Variants in CSF1R observed in about 807,000 individuals in gnomAD.
CSF1R encodes macrophage colony-stimulating factor 1 receptor.
In CSF1R, 40 loss-of-function variants were observed where a neutral mutation model predicts 110.0. The ratio of observed to expected loss-of-function variants is 0.36; its 90% confidence interval spans 0.28 to 0.47. CSF1R has a LOEUF of 0.47. Among genes scored for constraint, CSF1R ranks in the 20% least tolerant of loss-of-function variants. The pLI, the probability that CSF1R is intolerant of heterozygous loss-of-function variation, is 0.99. For synonymous variants in CSF1R, 523 were observed against 503.4 expected (o/e 1.04, Z -0.52); for missense variants, 1,052 against 1,253.0 (o/e 0.84, Z 2.42).
intron 1 of CSF1R, among the ~76,000 whole-genome samples, chr5:150,109,058 G>GCCGCCC (rs200128753): frequency 2.5e-5 from 3 of 119,738 alleles, no homozygotes; most frequent in Non-Finnish European, 3.7e-5. Flanking sequence ...GGAGAAGCCC[G>GCCGCCC]CCCCCCCCCC....
At chr5:150,054,637 C>G in intron 19 of CSF1R, 1 of 524,662 alleles carries the variant, frequency 1.9e-6, no homozygotes, top group Non-Finnish European at 3.3e-6. Flanking sequence ...CACCCTCATT[C>G]TGACAGATGA....
In CSF1R at chr5:150,053,947, TG is replaced by T; in HGVS notation, c.*121del. 1 of 1,003,734 alleles carries T rather than the reference TG, an allele frequency of 1.0e-6. No individual in the cohort carries two copies. 62.2% of individuals were successfully genotyped at this position (1,003,734 alleles called of 1,614,324 possible). On this transcript the variant is annotated 3_prime_UTR_variant, in exon 21 of 21. Transcript: ENST00000675795. ...CCCTCACCTTCCCAAGTTTCAGAGC[TG>T]GGCCGAGCTGTTGAGTGAAATGACC...
upstream of CSF1R, among the ~76,000 whole-genome samples, chr5:150,088,682 C>T (rs1051641496): frequency 2.6e-4 from 39 of 152,074 alleles, no homozygotes; most frequent in African/African-American, 8.9e-4. Context: ...TACAGGCATG[C>T]GCCACCATGC....
chr5:150,054,493 C>G (rs1757099528), intron 19 of CSF1R, 63 bp from the exon 20 acceptor site: 2 of 1,421,532 alleles, frequency 1.4e-6, no homozygotes, highest in Admixed American at 4.0e-5. Context: ...CATTAACACA[C>G]ACCCCTAGAG....
chr5:150,111,063 G>A (rs980162419), intron 1 of CSF1R, among the ~76,000 whole-genome samples: 1 of 152,052 alleles, frequency 6.6e-6, no homozygotes, highest in Non-Finnish European at 1.5e-5. Flanking sequence ...AAGACAGAAG[G>A]AAATATCCTG....
intron 1 of CSF1R, among the ~76,000 whole-genome samples, chr5:150,103,156 G>A (rs776912178): frequency 2.2e-4 from 34 of 152,236 alleles, no homozygotes; most frequent in Admixed American, 6.5e-4. Context: ...GCCAGAATCC[G>A]AATTTTCTGA....
intron 10 of CSF1R, among the ~76,000 whole-genome samples, chr5:150,063,863 G>A (rs2113796498): frequency 6.6e-6 from 1 of 152,278 alleles, no homozygotes; most frequent in East Asian, 1.9e-4. Context: ...GGACAAGCTT[G>A]GCTGTGCCTG....
intron 1 of CSF1R, among the ~76,000 whole-genome samples, chr5:150,085,277 G>GAAAAAAACAAAAAAAA (rs1758786904): frequency 1.1e-5 from 1 of 92,470 alleles, no homozygotes; most frequent in African/African-American, 5.6e-5. Context: ...TCTGTCTCAG[G>GAAAAAAACAAAAAAAA]AAAAAAAAAA....
intron 12 of CSF1R, 134 bp from the exon 13 acceptor site, chr5:150,061,106 C>A: frequency 4.9e-6 from 3 of 606,652 alleles, no homozygotes; most frequent in South Asian, 2.3e-5. Context: ...TGACCAGAAG[C>A]CAAAAGAAGG....
intron 10 of CSF1R, among the ~76,000 whole-genome samples, chr5:150,066,209 A>C (rs1380025667): frequency 6.6e-6 from 1 of 152,138 alleles, no homozygotes; most frequent in African/African-American, 2.4e-5. Context: ...CTGGGACAAG[A>C]GTGTGCAGCT....
chr5:150,096,150 G>A (rs1759215869), intron 1 of CSF1R, among the ~76,000 whole-genome samples: 1 of 152,198 alleles, frequency 6.6e-6, no homozygotes, highest in South Asian at 2.1e-4. Flanking sequence ...AGCACTTTGG[G>A]AGACCGAGGC....
chr5:150,087,041 G>A (rs113170638), upstream of CSF1R, among the ~76,000 whole-genome samples: 2,889 of 152,222 alleles, frequency 0.019, 96 homozygotes, highest in African/African-American at 0.067. Flanking sequence ...TCTGTGGCTC[G>A]ATCATAGCTC....
Position 150,056,048 on chromosome 5 carries a change from G to T in CSF1R, c.2532C>A (p.Leu844=), listed in dbSNP as rs55657214. The T allele has an allele frequency of 1.2e-6, 2 of 1,614,232 alleles. No homozygotes were observed. Among genetic ancestry groups the T allele is most frequent in the Non-Finnish European group, 1.7e-6 (2 of 1,180,036 alleles). The part of the protein sequence containing the change: ...VQSDVWSYGI[L]LWEIFSLGLN... ...CACCAAGTGAGAAGATCTCCCAGAG[G>T]AGGATGCCATAGGACCAGACGTCGC... Residue 844 remains leucine, a synonymous_variant, in exon 18 of 21, where the codon CTC becomes CTA. Coordinates refer to ENST00000675795, the MANE Select transcript of CSF1R (RefSeq NM_001288705.3).
intron 1 of CSF1R, among the ~76,000 whole-genome samples, chr5:150,085,277 G>GAAAAAAAAAAAAAAAAAAAAAAAAAAA (rs70973563): frequency 1.1e-5 from 1 of 92,464 alleles, no homozygotes; most frequent in Non-Finnish European, 2.0e-5. Flanking sequence ...TCTGTCTCAG[G>GAAAAAAAAAAAAAAAAAAAAAAAAAAA]AAAAAAAAAA....
intron 5 of CSF1R, among the ~76,000 whole-genome samples, chr5:150,075,080 G>T (rs1758205606): frequency 6.6e-6 from 1 of 152,020 alleles, no homozygotes; most frequent in Admixed American, 6.5e-5. Context: ...TGCCCTTCCA[G>T]ACTACACACT....
At chr5:150,055,714 A>G (rs60278353) in intron 18 of CSF1R, among the ~76,000 whole-genome samples, 4,890 of 152,308 alleles carry the variant, frequency 0.032, 275 homozygotes, top group African/African-American at 0.11. Flanking sequence ...ACTAGAGCCT[A>G]GTAGTAGAGA....
At chr5:150,093,267 C>T (rs1759103460) in intron 1 of CSF1R, among the ~76,000 whole-genome samples, 1 of 152,110 alleles carries the variant, frequency 6.6e-6, no homozygotes, top group African/African-American at 2.4e-5. Flanking sequence ...TTAGTAGAGA[C>T]AGGGTTTCAC....
intron 1 of CSF1R, among the ~76,000 whole-genome samples, chr5:150,083,534 A>G (rs1251316953): frequency 6.6e-6 from 1 of 151,864 alleles, no homozygotes; most frequent in Admixed American, 6.6e-5. Context: ...TCATCCACTC[A>G]TCATTGGTCT....
chr5:150,094,280 G>T, intron 1 of CSF1R: 7 of 1,452,334 alleles, frequency 4.8e-6, no homozygotes, highest in Non-Finnish European at 6.6e-6. Flanking sequence ...CAGAGCTTCA[G>T]TTTTTTTTTC....
Sources: gnomAD v4.1 joint callset for allele counts (sites outside exome capture counted in the v4.1 genomes callset) on GRCh38, gnomAD v4.1.1 for gene constraint, MANE v1.5 for transcripts, NCBI Gene and HGNC (gene_info 2026-07-23, HGNC 2026-07-21) for gene names.